The following LEMD3 variants were observed in gnomAD, a reference collection of about 807,000 sequenced individuals.
LEMD3 encodes LEM domain containing 3, also known as inner nuclear membrane protein Man1.
In LEMD3, 33 loss-of-function variants were observed where a neutral mutation model predicts 95.2. That is an observed-to-expected ratio of 0.35 (90% CI 0.26 to 0.46). LEMD3 has a LOEUF of 0.46. Ranked by LOEUF, LEMD3 falls within the 20% of genes least tolerant of loss-of-function variation. LEMD3 has a pLI of 1.00. For missense variants in LEMD3, 1,210 were observed against 1,192.8 expected (o/e 1.01, Z -0.21); for synonymous variants, 525 against 474.6 (o/e 1.11, Z -1.38).
At position 65,239,948 on chromosome 12, in the gene LEMD3, C is replaced by A; in HGVS notation, c.1941C>A (p.Val647=). Residue 647 remains valine (V), a synonymous_variant, in exon 7 of 13, where the codon GTC becomes GTA. Transcript: ENST00000308330. ...TTACAGGTGTAGTGATGGTTTGTGT[C>A]GTTCTGCGTTACATGAAATATCGAT... ...LLCLGVVMVC[V]VLRYMKYRWT... 1 of 1,609,462 alleles carries A rather than the reference C, an allele frequency of 6.2e-7. No individual in the cohort carries two copies. The highest frequency in any genetic ancestry group is 1.1e-5 in the South Asian group (1 of 90,954).
At chr12:65,244,274 C>T (rs1317965593) in intron 10 of LEMD3, among the ~76,000 whole-genome samples, 2 of 140,432 alleles carry the variant, frequency 1.4e-5, no homozygotes, top group Non-Finnish European at 3.0e-5. Context: ...CGCGCACACA[C>T]ACACACACAC....
chr12:65,228,695 C>T (rs1303346559), intron 4 of LEMD3, among the ~76,000 whole-genome samples: 4 of 151,994 alleles, frequency 2.6e-5, no homozygotes, highest in Non-Finnish European at 5.9e-5. Flanking sequence ...CGTGCCTGGC[C>T]ACTTTTATTA....
At chr12:65,183,989 C>T (rs888568727) in intron 1 of LEMD3, among the ~76,000 whole-genome samples, 6 of 152,112 alleles carry the variant, frequency 3.9e-5, no homozygotes, top group Non-Finnish European at 7.4e-5. Context: ...GAAAGCTCAG[C>T]TCCTATTGGC....
At position 65,216,026 on chromosome 12, in the gene LEMD3, G is replaced by A. The variant is rs761447049; in HGVS notation, c.1610G>A (p.Arg537Gln). Residue 537 changes from arginine to glutamine, a missense_variant, in exon 3 of 13, where the codon CGA (arginine) becomes CAA (glutamine). Around this residue, in one of 2 missense-constraint regions of LEMD3, gnomAD observed 461 missense variants for 569.8 expected, o/e 0.81. Coordinates refer to ENST00000308330, the MANE Select transcript of LEMD3 (RefSeq NM_014319.5). ...MMNTLYKLHD[R>Q]LAQLAGDHEC... The stretch of plus-strand genomic sequence containing the variant: ...AACACATTATATAAGCTTCATGATC[G>A]ATTGGCACAGCTTGCAGGTAATTGT... 1.0e-5 allele frequency: 16 copies of A among 1,591,414 alleles called. No individual in the cohort carries two copies. Among genetic ancestry groups the A allele is most frequent in the Non-Finnish European group, 1.2e-5 (14 of 1,163,060 alleles).
At chr12:65,192,035 T>C (rs1869260331) in intron 1 of LEMD3, among the ~76,000 whole-genome samples, 1 of 151,632 alleles carries the variant, frequency 6.6e-6, no homozygotes, top group Non-Finnish European at 1.5e-5. Flanking sequence ...CACAGATCAC[T>C]TGAAGTAATA....
chr12:65,215,606 A>G (rs1272448709), intron 2 of LEMD3, among the ~76,000 whole-genome samples: 2 of 152,120 alleles, frequency 1.3e-5, no homozygotes, highest in South Asian at 2.1e-4. Context: ...ACAAGACATG[A>G]AGGGCAGCCT....
At chr12:65,188,144 C>T (rs988134513) in intron 1 of LEMD3, among the ~76,000 whole-genome samples, 1 of 151,910 alleles carries the variant, frequency 6.6e-6, no homozygotes, top group African/African-American at 2.4e-5. Flanking sequence ...AGTAGGGTGT[C>T]TAAAAAAGGC....
chr12:65,243,335 C>G (rs1342867169), intron 9 of LEMD3, 53 bp from the exon 10 acceptor site: 5 of 1,096,288 alleles, frequency 4.6e-6, no homozygotes, highest in Admixed American at 1.7e-5. Flanking sequence ...GATTGAATAC[C>G]TTTCAACAAA....
chr12:65,175,492 T>G (rs1355614648), intron 1 of LEMD3, among the ~76,000 whole-genome samples: 1 of 152,198 alleles, frequency 6.6e-6, no homozygotes. Flanking sequence ...CCTCTCTTCT[T>G]CAAGTCACCA....
At chr12:65,239,793 G>T in intron 6 of LEMD3, 136 bp from the exon 7 acceptor site, 1 of 613,172 alleles carries the variant, frequency 1.6e-6, no homozygotes, top group Admixed American at 3.0e-5. Context: ...ATTTTTTTAT[G>T]TAGTTTTAAT....
chr12:65,225,109 G>A (rs1378488692), intron 4 of LEMD3, among the ~76,000 whole-genome samples: 1 of 151,960 alleles, frequency 6.6e-6, no homozygotes, highest in Admixed American at 6.6e-5. Context: ...TCTCTTTGTT[G>A]ATATTCTTAC....
chr12:65,174,986 A>C (rs550213317), intron 1 of LEMD3, among the ~76,000 whole-genome samples: 4 of 152,208 alleles, frequency 2.6e-5, no homozygotes, highest in South Asian at 4.1e-4. Flanking sequence ...TTTGATCAGG[A>C]GAAGAGCATT....
intron 4 of LEMD3, among the ~76,000 whole-genome samples, chr12:65,220,930 G>A (rs1432763970): frequency 6.6e-6 from 1 of 152,104 alleles, no homozygotes; most frequent in Non-Finnish European, 1.5e-5. Context: ...GTCCATTTAT[G>A]TCTATTATTA....
rs139346096 is a variant in LEMD3 at position 65,170,801 on chromosome 12, C to T, written c.1205C>T (p.Ser402Phe). 2.7e-4 allele frequency: 441 copies of T among 1,614,014 alleles called. 2 individuals carry two copies. Among genetic ancestry groups the T allele is most frequent in the Admixed American group, 1.0e-4 (6 of 60,010 alleles). ...GGCGGTGGGGCCTTCAGTGTGGACT[C>T]CCCCAGGATTTATTCTAACAGTCTC... Reference protein sequence around the residue: ...HIGGGAFSVDSPRIYSNSLPP... With the variant: ...HIGGGAFSVDFPRIYSNSLPP... The change falls in exon 1 of 13, where the codon TCC becomes TTC. Residue 402 changes from serine to phenylalanine, a missense_variant. Physicochemically the swap from Ser to Phe is radical, Grantham distance 155. Coordinates refer to ENST00000308330, the MANE Select transcript of LEMD3 (RefSeq NM_014319.5).
At position 65,215,895 on chromosome 12, in the gene LEMD3, G is replaced by GTTT. The variant is rs67170565; in HGVS notation, c.1561-71_1561-69dup. On this transcript the variant is annotated intron_variant, in intron 2 of 12. Transcript: ENST00000308330. ...TGGCTTCTGTGATTTTAAATTTACT[G>GTTT]TTTTTTTTTTTTTGATTAAGAATTA... The GTTT allele has an allele frequency of 4.6e-3, 2,059 of 445,650 alleles. 1 individual carries two copies. The highest frequency in any genetic ancestry group is 8.4e-3 in the East Asian group (212 of 25,332). 27.6% of individuals were successfully genotyped at this position (445,650 alleles called of 1,614,324 possible).
intron 9 of LEMD3, among the ~76,000 whole-genome samples, 185 bp downstream of exon 9, chr12:65,241,272 C>CAT (rs1210389310): frequency 6.6e-6 from 1 of 152,086 alleles, no homozygotes; most frequent in African/African-American, 2.4e-5. Context: ...CTAATGCAAA[C>CAT]ATAAATGGTT....
chr12:65,199,327 A>G (rs1313563655), intron 1 of LEMD3, among the ~76,000 whole-genome samples: 2 of 152,114 alleles, frequency 1.3e-5, no homozygotes, highest in African/African-American at 4.8e-5. Context: ...CTAATGATCT[A>G]ACTTTCTAAT....
intron 1 of LEMD3, among the ~76,000 whole-genome samples, chr12:65,194,865 T>TATAATTTAGATTATAATTATAATTTATAA (rs1869375390): frequency 6.7e-6 from 1 of 148,450 alleles, no homozygotes; most frequent in Non-Finnish European, 1.5e-5. Flanking sequence ...ATTTATAAAT[T>TATAATTTAGATTATAATTATAATTTATAA]ATAATTTAGA....
intron 1 of LEMD3, among the ~76,000 whole-genome samples, chr12:65,180,428 A>G (rs2136318909): frequency 6.6e-6 from 1 of 150,694 alleles, no homozygotes; most frequent in South Asian, 2.1e-4. Context: ...TTTACCAGGA[A>G]GAAAATAAGT....
Sources: allele counts gnomAD v4.1 joint callset (sites outside exome capture counted in the v4.1 genomes callset), GRCh38; gene constraint gnomAD v4.1.1; regional missense constraint gnomAD v4.1.1; transcripts MANE v1.5; gene names NCBI Gene and HGNC (gene_info 2026-07-23, HGNC 2026-07-21).